STAT2: variants seen among roughly 807,000 people sequenced by gnomAD.
STAT2 encodes signal transducer and activator of transcription 2.
Under a neutral mutation model 122.3 loss-of-function variants are expected in STAT2, and 51 were observed. That is an observed-to-expected ratio of 0.42 (90% CI 0.33 to 0.53). STAT2 has a LOEUF of 0.53. Among genes scored for constraint, STAT2 ranks in the 20% least tolerant of loss-of-function variants. STAT2 has a pLI of 0.10. For missense variants in STAT2, 736 were observed against 1,010.3 expected, an observed-to-expected ratio of 0.73 and a Z score of 3.68; for synonymous variants, 351 against 394.9, an observed-to-expected ratio of 0.89 and a Z score of 1.32.
Position 56,351,264 on chromosome 12 carries a change from C to A in STAT2, c.941+28G>T. 1 of 1,612,236 alleles carries A rather than the reference C, an allele frequency of 6.2e-7. No homozygotes were observed. ...AATGGCTTCCCTTGTTCCTTCTTTC[C>A]CCCAGGGTTCCTGCCTGGCCTCTAG... On this transcript the variant is annotated intron_variant, in intron 9 of 23. Transcript: ENST00000314128.
chr12:56,355,983 G>C, intron 3 of STAT2, 149 bp downstream of exon 3: 1 of 1,279,510 alleles, frequency 7.8e-7, no homozygotes, highest in Non-Finnish European at 1.1e-6. Context: ...CTCTCTGCTA[G>C]TGATTCCCCA....
chr12:56,349,236 A>G lies in STAT2; in HGVS notation c.1367T>C (p.Ile456Thr). The G allele has an allele frequency of 6.2e-7, 1 of 1,614,236 alleles. No individual in the cohort carries two copies. Among genetic ancestry groups the G allele is most frequent in the Non-Finnish European group, 8.5e-7 (1 of 1,180,046 alleles). The change falls in exon 16 of 24, where the codon ATT (isoleucine) becomes ACT (threonine). Residue 456 changes from isoleucine to threonine, a missense_variant. Physicochemically the swap from Ile to Thr is moderately conservative, Grantham distance 89. Coordinates refer to ENST00000314128, the MANE Select transcript of STAT2 (RefSeq NM_005419.4). The part of the protein sequence containing the change: ...LKTDTLPVVI[I>T]SNMNQLSIAW... The stretch of plus-strand genomic sequence containing the variant: ...AATTGAGAGCTGGTTCATGTTGGAA[A>G]TAATCACCACAGGGAGGGTGTCCGT...
intron 1 of STAT2, among the ~76,000 whole-genome samples, chr12:56,358,435 G>A (rs981373146): frequency 1.3e-5 from 2 of 151,814 alleles, no homozygotes; most frequent in African/African-American, 4.8e-5. Flanking sequence ...TAGTAGAGAT[G>A]GGGTTTCACC....
intron 4 of STAT2, 66 bp downstream of exon 4, chr12:56,355,642 C>T: frequency 6.3e-7 from 1 of 1,597,454 alleles, no homozygotes; most frequent in Non-Finnish European, 8.6e-7. Context: ...AGACAACTCC[C>T]TGAGTCCTTT....
rs531158895 is a variant in STAT2, at chr12:56,351,567, A to T, written c.783-117T>A. 58 of 1,095,642 alleles carry T rather than the reference A, an allele frequency of 5.3e-5. 1 individual carries two copies. The Middle Eastern group carries it at 2.5e-3, about 47-fold the overall frequency. 67.9% of individuals were successfully genotyped at this position (1,095,642 alleles called of 1,614,324 possible). On this transcript the variant is annotated intron_variant, in intron 8 of 23. Transcript: ENST00000314128. ...CAGAAACTGACTGGGGGGAAGAAAA[A>T]AAAAGAATCCAGGAAGCATATAAAG...
In STAT2 at chr12:56,356,486, A is replaced by T. The variant is rs779641230; in HGVS notation, c.86T>A (p.Val29Glu). 1 of 1,614,166 alleles carries T rather than the reference A, an allele frequency of 6.2e-7. No individual in the cohort carries two copies. The highest frequency in any genetic ancestry group is 1.1e-5 in the South Asian group (1 of 91,078). The stretch of plus-strand genomic sequence containing the variant: ...GACAGCCAAGTACTGTCGAATGTCC[A>T]CAGGCAGGAGGCTGTGCGAGTAAAG... The part of the protein sequence containing the change: ...HQLYSHSLLP[V>E]DIRQYLAVWI... The change falls in exon 2 of 24, where the codon GTG (valine) becomes GAG (glutamate). Residue 29 changes from valine (V) to glutamate (E), a missense_variant. Coordinates refer to ENST00000314128, the MANE Select transcript of STAT2 (RefSeq NM_005419.4).
Position 56,354,570 on chromosome 12 carries a change from G to T in STAT2, c.678C>A (p.Thr226=). 1 of 1,614,172 alleles carries T rather than the reference G, an allele frequency of 6.2e-7. No individual in the cohort carries two copies. The highest frequency in any genetic ancestry group is 1.1e-5 in the South Asian group (1 of 91,088). Residue 226 remains threonine (T), a synonymous_variant, in exon 8 of 24, where the codon ACC becomes ACA. Transcript: ENST00000314128. ...ACTTTGGCAGCAGTAGCTCGATTAG[G>T]GTAGTTAATCGGCCTAGCAGTGCTT... is the stretch of plus-strand genomic sequence containing the variant. ...ASKALLGRLT[T]LIELLLPKLE... is the part of the protein sequence containing the mutation.
chr12:56,343,818 C>A lies in STAT2; in HGVS notation c.2413+7G>T. The A allele has an allele frequency of 6.2e-7, 1 of 1,613,620 alleles. No individual in the cohort carries two copies. Among genetic ancestry groups the A allele is most frequent in the South Asian group, 1.1e-5 (1 of 91,082 alleles). ...GCCATCTTCCATAGCTCCATCTCAT[C>A]ACTTACTTTCCATTGGCTCAGTGTT... On this transcript the variant is annotated splice_region_variant and intron_variant, in intron 23 of 23. Coordinates refer to ENST00000314128, the MANE Select transcript of STAT2 (RefSeq NM_005419.4).
chr12:56,353,909 T>C (rs1307785599), intron 8 of STAT2, among the ~76,000 whole-genome samples: 1 of 145,778 alleles, frequency 6.9e-6, no homozygotes, highest in South Asian at 2.2e-4. Flanking sequence ...GACAGGAGAA[T>C]TGCTTGAACC....
Position 56,343,572 on chromosome 12 carries a change from T to C in STAT2, c.2414-41A>G, listed in dbSNP as rs888018578. The C allele has an allele frequency of 8.1e-6, 13 of 1,599,944 alleles. No homozygotes were observed. The African/African-American group carries it at 1.5e-4, about 18-fold the overall frequency. On this transcript the variant is annotated intron_variant, in intron 23 of 23. Coordinates refer to ENST00000314128, the MANE Select transcript of STAT2 (RefSeq NM_005419.4). ...AGAAAAGTGAGGCCCCGATCTTAGTTAGGAGTTCCCAACCCAGCAGGGAAA... is the reference window on the plus strand; with the variant it reads ...AGAAAAGTGAGGCCCCGATCTTAGTCAGGAGTTCCCAACCCAGCAGGGAAA...
At chr12:56,350,219 A>C in intron 12 of STAT2, 29 bp from the exon 13 acceptor site, 1 of 1,561,012 alleles carries the variant, frequency 6.4e-7, no homozygotes, top group Non-Finnish European at 8.7e-7. Context: ...ACATGGAGAC[A>C]AGGAATGGAA....
intron 19 of STAT2, among the ~76,000 whole-genome samples, chr12:56,347,766 T>C (rs967272901): frequency 3.3e-5 from 5 of 152,112 alleles, no homozygotes; most frequent in African/African-American, 1.2e-4. Flanking sequence ...CCTCCCAAAA[T>C]GCTGGGATTA....
Position 56,343,883 on chromosome 12 carries a change from T to C in STAT2, c.2355A>G (p.Pro785=). The change falls in exon 23 of 24, where the codon CCA becomes CCG. Residue 785 remains proline, a synonymous_variant. Coordinates refer to ENST00000314128, the MANE Select transcript of STAT2 (RefSeq NM_005419.4). ...PEPDQGPVSQ[P]VPEPDLPCDL... ...CACAGGGCAAATCTGGCTCTGGCAC[T>C]GGCTGTGATACAGGTCCTTGGTCTG... The C allele has an allele frequency of 6.2e-7, 1 of 1,614,152 alleles. No individual in the cohort carries two copies. Among genetic ancestry groups the C allele is most frequent in the South Asian group, 1.1e-5 (1 of 91,086 alleles).
rs746591298 is a variant in STAT2, at chr12:56,350,142, G to A, written c.1164C>T (p.Pro388=). The part of the protein sequence containing the change: ...ILTSNQKTLT[P]EKGQSQGLIW... The stretch of plus-strand genomic sequence containing the variant: ...TCAAACCCTGACTCTGCCCCTTCTC[G>A]GGGGTCAAAGTTTTCTGGTTTGAAG... The change falls in exon 13 of 24, where the codon CCC becomes CCT. Residue 388 remains proline, a synonymous_variant. Coordinates refer to ENST00000314128, the MANE Select transcript of STAT2 (RefSeq NM_005419.4). The A allele has an allele frequency of 8.1e-6, 13 of 1,613,398 alleles. No homozygotes were observed. Among genetic ancestry groups the A allele is most frequent in the South Asian group, 3.3e-5 (3 of 91,044 alleles).
chr12:56,351,005 G>C, intron 10 of STAT2, 93 bp downstream of exon 10: 1 of 1,573,032 alleles, frequency 6.4e-7, no homozygotes, highest in African/African-American at 1.4e-5. Context: ...GGAAAGAGAA[G>C]AAAAAGCCAA....
intron 8 of STAT2, 97 bp downstream of exon 8, chr12:56,354,369 G>C: frequency 6.4e-7 from 1 of 1,563,122 alleles, no homozygotes. Context: ...GGGGAGCAGA[G>C]ACAAATAGAG....
chr12:56,355,957 C>G (rs75382075), intron 3 of STAT2, among the ~76,000 whole-genome samples, 154 bp from the exon 4 acceptor site: 13 of 152,180 alleles, frequency 8.5e-5, no homozygotes, highest in African/African-American at 1.2e-4. Flanking sequence ...AACAGTGTCA[C>G]GTATATGCAA....
At chr12:56,350,653 A>G (rs1878320989) in intron 11 of STAT2, among the ~76,000 whole-genome samples, 176 bp downstream of exon 11, 1 of 152,184 alleles carries the variant, frequency 6.6e-6, no homozygotes, top group Admixed American at 6.5e-5. Context: ...TTAAATGAGT[A>G]GCTGACATGC....
At chr12:56,348,123 C>T (rs546768052) in intron 19 of STAT2, among the ~76,000 whole-genome samples, 30 of 136,278 alleles carry the variant, frequency 2.2e-4, no homozygotes, top group East Asian at 6.8e-4. Context: ...GAGTCTTGCT[C>T]GTCACCCAGG....
Sources: allele counts gnomAD v4.1 joint callset (sites outside exome capture counted in the v4.1 genomes callset), GRCh38; gene constraint gnomAD v4.1.1; transcripts MANE v1.5; gene names NCBI Gene and HGNC (gene_info 2026-07-23, HGNC 2026-07-21).